CMIP: variants seen among roughly 807,000 people sequenced by gnomAD.
The protein encoded by CMIP is c-Maf inducing protein.
CMIP carries 13 observed loss-of-function variants against 97.3 expected under a neutral mutation model. That is an observed-to-expected ratio of 0.13 (90% CI 0.09 to 0.21). The LOEUF (loss-of-function observed/expected upper bound fraction) is 0.21, where lower values mean the gene tolerates loss of function less well. Ranked by LOEUF, CMIP falls within the 10% of genes least tolerant of loss-of-function variation. The pLI, the probability that CMIP is intolerant of heterozygous loss-of-function variation, is 1.00. For missense variants in CMIP, 847 were observed against 1,024.9 expected (o/e 0.83, Z 2.37); for synonymous variants, 538 against 436.3 (o/e 1.23, Z -2.91).
intron 3 of CMIP, among the ~76,000 whole-genome samples, chr16:81,650,527 G>A (rs995409195): frequency 3.9e-5 from 6 of 152,078 alleles, no homozygotes; most frequent in Non-Finnish European, 8.8e-5. Flanking sequence ...GTTCATGGGG[G>A]CGACACCAGT....
chr16:81,574,120 C>T (rs2091146134), intron 1 of CMIP, among the ~76,000 whole-genome samples: 4 of 152,222 alleles, frequency 2.6e-5, no homozygotes, highest in Admixed American at 2.6e-4. Flanking sequence ...TCAGTAGCCA[C>T]CTGTGGCCAG....
At chr16:81,494,554 T>A (rs2089456433) in intron 1 of CMIP, among the ~76,000 whole-genome samples, 2 of 152,082 alleles carry the variant, frequency 1.3e-5, no homozygotes, top group African/African-American at 2.4e-5. Flanking sequence ...AAGCACGGTA[T>A]CAAAGAGGGT....
chr16:81,688,583 A>AGT (rs908918280), intron 10 of CMIP, among the ~76,000 whole-genome samples: 1 of 152,202 alleles, frequency 6.6e-6, no homozygotes, highest in African/African-American at 2.4e-5. Flanking sequence ...AGCATCCTGC[A>AGT]GTGTGTGTGG....
chr16:81,448,531 G>A (rs1400788494), intron 1 of CMIP, among the ~76,000 whole-genome samples: 1 of 152,220 alleles, frequency 6.6e-6, no homozygotes, highest in African/African-American at 2.4e-5. Context: ...TCTTACCGGT[G>A]GAGCCAGCAG....
At chr16:81,493,524 T>G (rs565317049) in intron 1 of CMIP, among the ~76,000 whole-genome samples, 1 of 152,192 alleles carries the variant, frequency 6.6e-6, no homozygotes, top group Non-Finnish European at 1.5e-5. Flanking sequence ...GGGGCTGTCC[T>G]CTTTATGGTG....
chr16:81,698,704 A>G (rs1266853316), intron 14 of CMIP, among the ~76,000 whole-genome samples: 1 of 152,130 alleles, frequency 6.6e-6, no homozygotes, highest in Non-Finnish European at 1.5e-5. Flanking sequence ...ACCACCGTTC[A>G]TCTCCAGAAC....
chr16:81,638,335 G>C (rs533731802), intron 3 of CMIP, among the ~76,000 whole-genome samples: 20 of 152,156 alleles, frequency 1.3e-4, no homozygotes, highest in Non-Finnish European at 2.5e-4. Flanking sequence ...ACCCAGGCAG[G>C]AGTTTGCCTC....
chr16:81,623,390 C>T (rs1246286127), intron 3 of CMIP, among the ~76,000 whole-genome samples: 4 of 152,170 alleles, frequency 2.6e-5, no homozygotes, highest in East Asian at 3.8e-4. Context: ...TTTCAGAAAA[C>T]CTAAATCAGG....
chr16:81,692,817 C>A (rs529881749), intron 11 of CMIP, among the ~76,000 whole-genome samples: 2 of 152,202 alleles, frequency 1.3e-5, no homozygotes, highest in African/African-American at 4.8e-5. Context: ...CCGCCTTAAT[C>A]GTGGAACAAT....
intron 2 of CMIP, chr16:81,620,113 T>G (rs971414138): frequency 5.9e-5 from 9 of 152,220 alleles, no homozygotes; most frequent in Non-Finnish European, 1.2e-4. Context: ...TTTCTGGTCT[T>G]TAAAACATCC....
chr16:81,623,526 C>A (rs545630263), intron 3 of CMIP, among the ~76,000 whole-genome samples: 1 of 152,092 alleles, frequency 6.6e-6, no homozygotes, highest in Non-Finnish European at 1.5e-5. Flanking sequence ...CAGTGTTTCT[C>A]CTTGGACAAT....
intron 1 of CMIP, among the ~76,000 whole-genome samples, chr16:81,512,522 G>A (rs2089833581): frequency 6.6e-6 from 1 of 152,190 alleles, no homozygotes; most frequent in Non-Finnish European, 1.5e-5. Flanking sequence ...CACTTCATCA[G>A]CTACATGGTT....
intron 1 of CMIP, among the ~76,000 whole-genome samples, chr16:81,461,150 A>G (rs748741521): frequency 8.5e-5 from 13 of 152,170 alleles, no homozygotes; most frequent in Non-Finnish European, 1.6e-4. Context: ...CTTGTTGAGT[A>G]TGTGGGCAGT....
At position 81,498,463 on chromosome 16, in the gene CMIP, G is replaced by A. The variant is rs1055678547; in HGVS notation, c.300+52922G>A. The stretch of plus-strand genomic sequence containing the variant: ...CCCCCTGGGGCTGCTCGGCAGCTCT[G>A]AGGGGGCCACTCTGCCTCTGCCCAG... On this transcript the variant is annotated intron_variant, in intron 1 of 20. Transcript: ENST00000537098. 9.9e-5 allele frequency among the ~76,000 whole-genome samples: 15 copies of A among 152,196 alleles called. No individual in the cohort carries two copies. The South Asian group carries it at 1.7e-3, about 17-fold the overall frequency.
At chr16:81,588,426 T>C (rs1314764333) in intron 1 of CMIP, among the ~76,000 whole-genome samples, 1 of 152,204 alleles carries the variant, frequency 6.6e-6, no homozygotes, top group Non-Finnish European at 1.5e-5. Context: ...GGAGCCACGC[T>C]TGTCAGGTGT....
chr16:81,522,365 G>C (rs987965984), intron 1 of CMIP, among the ~76,000 whole-genome samples: 1 of 152,146 alleles, frequency 6.6e-6, no homozygotes, highest in South Asian at 2.1e-4. Flanking sequence ...GCTCCCTGAG[G>C]GTCTATGCAG....
chr16:81,493,240 G>A (rs2089433002), intron 1 of CMIP, among the ~76,000 whole-genome samples: 1 of 152,194 alleles, frequency 6.6e-6, no homozygotes, highest in South Asian at 2.1e-4. Flanking sequence ...CCCTCCCCCA[G>A]CATCAGAGTG....
At chr16:81,493,829 G>A (rs16955439) in intron 1 of CMIP, among the ~76,000 whole-genome samples, 2,780 of 152,322 alleles carry the variant, frequency 0.018, 89 homozygotes, top group African/African-American at 0.063. Context: ...AGCCGGGACC[G>A]GGATTGCAGG....
At chr16:81,472,165 C>G (rs925234824) in intron 1 of CMIP, among the ~76,000 whole-genome samples, 12 of 152,248 alleles carry the variant, frequency 7.9e-5, no homozygotes, top group Admixed American at 7.8e-4. Flanking sequence ...TCTTTGAAAT[C>G]TCACTTATTG....
Sources: gnomAD v4.1 joint callset for allele counts (sites outside exome capture counted in the v4.1 genomes callset) on GRCh38, gnomAD v4.1.1 for gene constraint, MANE v1.5 for transcripts, NCBI Gene and HGNC (gene_info 2026-07-23, HGNC 2026-07-21) for gene names.